The following PANX1 variants were observed in gnomAD, a reference collection of about 807,000 sequenced individuals.
The protein encoded by PANX1 is pannexin 1.
In PANX1, 30 loss-of-function variants were observed where a neutral mutation model predicts 38.7. The observed-to-expected ratio is 0.78, with a 90% CI of 0.58 to 1.05. The LOEUF (loss-of-function observed/expected upper bound fraction) is 1.05. Ranked by LOEUF, PANX1 falls within the 50% of genes least tolerant of loss-of-function variation. The pLI is 0.00. For synonymous variants in PANX1, 230 were observed against 212.2 expected, an observed-to-expected ratio of 1.08 and a Z score of -0.73; for missense variants, 551 against 517.2, an observed-to-expected ratio of 1.07 and a Z score of -0.63.
chr11:94,156,998 A>T (rs979039793), intron 2 of PANX1, among the ~76,000 whole-genome samples: 27 of 151,676 alleles, frequency 1.8e-4, no homozygotes, highest in African/African-American at 6.3e-4. Context: ...TGTCCTTGCG[A>T]TACTTTGCTG....
At chr11:94,162,803 C>T (rs553341123) in intron 2 of PANX1, among the ~76,000 whole-genome samples, 11 of 151,852 alleles carry the variant, frequency 7.2e-5, no homozygotes, top group South Asian at 2.1e-4. Flanking sequence ...CTGTCTTCTG[C>T]GTCGCTCACA....
Position 94,165,769 on chromosome 11 carries a change from G to C in PANX1, c.321+12139G>C, listed in dbSNP as rs56776143. Among the ~76,000 whole-genome samples, 109 of 152,222 alleles carry C rather than the reference G, an allele frequency of 7.2e-4. 1 individual carries two copies. The highest frequency in any genetic ancestry group is 2.5e-3 in the African/African-American group (102 of 41,530). ...CTTCTACACATACAAAATTAGCCAG[G>C]CATGGTGGTGCATGCCTGTAATCCC... On this transcript the variant is annotated intron_variant, in intron 2 of 4. Coordinates refer to ENST00000227638, the MANE Select transcript of PANX1 (RefSeq NM_015368.4).
At chr11:94,145,007 T>C (rs1330622070) in intron 1 of PANX1, among the ~76,000 whole-genome samples, 2 of 152,188 alleles carry the variant, frequency 1.3e-5, no homozygotes, top group Non-Finnish European at 2.9e-5. Context: ...GGAGCTCATA[T>C]GTCTGATCAG....
chr11:94,154,539 G>A (rs1331416494), intron 2 of PANX1, among the ~76,000 whole-genome samples: 3 of 152,064 alleles, frequency 2.0e-5, no homozygotes, highest in South Asian at 2.1e-4. Flanking sequence ...TTTAGCTTTC[G>A]AAAACCCAAA....
intron 1 of PANX1, among the ~76,000 whole-genome samples, chr11:94,136,461 G>C (rs568684847): frequency 3.0e-4 from 45 of 152,302 alleles, no homozygotes; most frequent in African/African-American, 1.1e-3. Context: ...AGTTCATTTA[G>C]GGCAGGGACC....
At chr11:94,139,050 C>T (rs573110857) in intron 1 of PANX1, among the ~76,000 whole-genome samples, 8 of 152,204 alleles carry the variant, frequency 5.3e-5, no homozygotes, top group African/African-American at 9.6e-5. Context: ...TTGAGGAACC[C>T]GTTCGTTATT....
intron 2 of PANX1, among the ~76,000 whole-genome samples, chr11:94,173,440 T>A (rs984505245): frequency 6.6e-6 from 1 of 151,614 alleles, no homozygotes; most frequent in African/African-American, 2.4e-5. Flanking sequence ...TGCAGGTATC[T>A]CATGTTCAAA....
intron 1 of PANX1, among the ~76,000 whole-genome samples, chr11:94,144,987 G>A (rs534808138): frequency 1.3e-5 from 2 of 152,136 alleles, no homozygotes; most frequent in South Asian, 2.1e-4. Context: ...CCCTGATTCT[G>A]TGATGGAAAG....
intron 1 of PANX1, among the ~76,000 whole-genome samples, chr11:94,140,930 T>G (rs1343003440): frequency 6.6e-6 from 1 of 152,208 alleles, no homozygotes; most frequent in African/African-American, 2.4e-5. Context: ...TTTGAAAATC[T>G]ACTTAATATT....
At chr11:94,168,156 G>A (rs1340260562) in intron 2 of PANX1, among the ~76,000 whole-genome samples, 1 of 152,042 alleles carries the variant, frequency 6.6e-6, no homozygotes, top group Non-Finnish European at 1.5e-5. Flanking sequence ...GAAGAGAGAG[G>A]AACAAGCTGG....
intron 3 of PANX1, 70 bp from the exon 4 acceptor site, chr11:94,179,532 G>C: frequency 1.8e-6 from 2 of 1,104,076 alleles, no homozygotes; most frequent in Non-Finnish European, 2.7e-6. Flanking sequence ...ATTGTTGAAT[G>C]TGTATCTGCC....
In PANX1 at chr11:94,129,379, C is replaced by G. The variant is rs761409975; in HGVS notation, c.67C>G (p.Pro23Ala). 6.2e-7 allele frequency: 1 copy of G among 1,613,974 alleles called. No individual in the cohort carries two copies. Among genetic ancestry groups the G allele is most frequent in the East Asian group, 2.2e-5 (1 of 44,846 alleles). Residue 23 changes from proline to alanine, a missense_variant, in exon 1 of 5, where the codon CCC becomes GCC. Transcript: ENST00000227638. ...TTTCTTGCTGAAGGAGCCCACGGAGCCCAAGTTCAAGGGGCTGCGACTGGA... is the reference window on the plus strand; with the variant it reads ...TTTCTTGCTGAAGGAGCCCACGGAGGCCAAGTTCAAGGGGCTGCGACTGGA... ...SDFLLKEPTE[P>A]KFKGLRLELA...
chr11:94,162,113 GT>G, intron 2 of PANX1, among the ~76,000 whole-genome samples: 1 of 152,154 alleles, frequency 6.6e-6, no homozygotes, highest in Non-Finnish European at 1.5e-5. Flanking sequence ...GTTGTGTGAG[GT>G]GTCAGTCTGC....
chr11:94,180,769 A>G (rs374792379), intron 4 of PANX1, 21 bp from the exon 5 acceptor site: 2 of 1,293,252 alleles, frequency 1.5e-6, no homozygotes, highest in Admixed American at 1.7e-5. Context: ...TGTCATAAAT[A>G]TTTGTTTTCA....
chr11:94,175,269 A>G (rs963347280), intron 2 of PANX1, among the ~76,000 whole-genome samples: 2 of 151,748 alleles, frequency 1.3e-5, no homozygotes, highest in Non-Finnish European at 2.9e-5. Flanking sequence ...GGTGGGAAAA[A>G]AATAAAAAGA....
intron 2 of PANX1, among the ~76,000 whole-genome samples, chr11:94,166,644 T>A (rs1947103614): frequency 6.6e-6 from 1 of 152,218 alleles, no homozygotes; most frequent in Admixed American, 6.5e-5. Context: ...TAGTCTTGCT[T>A]GGGTTGAGTC....
chr11:94,170,870 C>A (rs1565384006), intron 2 of PANX1, among the ~76,000 whole-genome samples: 2 of 151,800 alleles, frequency 1.3e-5, no homozygotes, highest in Admixed American at 6.5e-5. Flanking sequence ...GAGAGTCTTT[C>A]TGGCACAATT....
chr11:94,181,118 A>G lies in PANX1; in HGVS notation c.*249A>G. On this transcript the variant is annotated 3_prime_UTR_variant, in exon 5 of 5. Coordinates refer to ENST00000227638, the MANE Select transcript of PANX1 (RefSeq NM_015368.4). ...AGCAAGTAACTATGTGTAAGTCCTC[A>G]TCAAATGAAAAGCAGAAAGACAAGA... 1 of 454,004 alleles carries G rather than the reference A, an allele frequency of 2.2e-6. No individual in the cohort carries two copies. The highest frequency in any genetic ancestry group is 4.0e-6 in the Non-Finnish European group (1 of 250,278). 28.1% of individuals were successfully genotyped at this position (454,004 alleles called of 1,614,324 possible). A position where few individuals can be genotyped will look rare whatever the true frequency, so the allele number is the denominator to read the frequency against.
chr11:94,136,678 G>C (rs1173086598), intron 1 of PANX1, among the ~76,000 whole-genome samples: 1 of 152,126 alleles, frequency 6.6e-6, no homozygotes, highest in Non-Finnish European at 1.5e-5. Context: ...TGAGGCAGGA[G>C]AATGGCGTGA....
Sources: gnomAD v4.1 joint callset for allele counts (sites outside exome capture counted in the v4.1 genomes callset) on GRCh38, gnomAD v4.1.1 for gene constraint, MANE v1.5 for transcripts, NCBI Gene and HGNC (gene_info 2026-07-23, HGNC 2026-07-21) for gene names.